The following SH3GL2 variants were observed in gnomAD, a reference collection of about 807,000 sequenced individuals.
SH3GL2 encodes endophilin-A1.
In SH3GL2, 24 loss-of-function variants were observed where a neutral mutation model predicts 46.0. The ratio of observed to expected loss-of-function variants is 0.52; its 90% CI spans 0.38 to 0.73. The LOEUF is 0.73. Among genes scored for constraint, SH3GL2 ranks in the 30% least tolerant of loss-of-function variants. SH3GL2 has a pLI of 0.00. For missense variants in SH3GL2, 413 were observed against 424.2 expected, an observed-to-expected ratio of 0.97 and a Z score of 0.23; for synonymous variants, 196 against 147.1, an observed-to-expected ratio of 1.33 and a Z score of -2.40.
At chr9:17,603,716 C>T (rs557467566) in intron 1 of SH3GL2, among the ~76,000 whole-genome samples, 11 of 152,032 alleles carry the variant, frequency 7.2e-5, no homozygotes, top group Non-Finnish European at 1.3e-4. Context: ...CAAAATTAGC[C>T]GAGTGTGGTG....
intron 1 of SH3GL2, among the ~76,000 whole-genome samples, chr9:17,672,682 T>TA (rs1233048473): frequency 6.6e-6 from 1 of 152,156 alleles, no homozygotes; most frequent in African/African-American, 2.4e-5. Flanking sequence ...ATTGATTTTA[T>TA]AAAAGATACA....
At chr9:17,698,401 C>T (rs993922542) in intron 1 of SH3GL2, among the ~76,000 whole-genome samples, 1 of 152,048 alleles carries the variant, frequency 6.6e-6, no homozygotes, top group Non-Finnish European at 1.5e-5. Flanking sequence ...AGATAGAGTG[C>T]CTGATGGATG....
intron 1 of SH3GL2, among the ~76,000 whole-genome samples, chr9:17,668,999 G>A (rs762383671): frequency 1.3e-5 from 2 of 152,094 alleles, no homozygotes; most frequent in Non-Finnish European, 2.9e-5. Context: ...GTGATTTCAG[G>A]TGCCACCTGT....
At chr9:17,719,574 G>C (rs1266024753) in intron 1 of SH3GL2, among the ~76,000 whole-genome samples, 4 of 151,994 alleles carry the variant, frequency 2.6e-5, no homozygotes, top group African/African-American at 9.7e-5. Context: ...TAGCTTGATT[G>C]AGCCCAGCAG....
At chr9:17,604,471 G>T (rs530173526) in intron 1 of SH3GL2, among the ~76,000 whole-genome samples, 3 of 152,334 alleles carry the variant, frequency 2.0e-5, no homozygotes, top group South Asian at 4.1e-4. Flanking sequence ...CTTTGTTATT[G>T]CTGTTGTTAC....
intron 2 of SH3GL2, among the ~76,000 whole-genome samples, chr9:17,760,646 A>G (rs1042260809): frequency 5.3e-5 from 8 of 152,164 alleles, no homozygotes; most frequent in African/African-American, 1.4e-4. Flanking sequence ...ATTTATACCT[A>G]TGTCATATAT....
intron 1 of SH3GL2, among the ~76,000 whole-genome samples, chr9:17,714,264 G>T (rs954757341): frequency 6.6e-6 from 1 of 151,494 alleles, no homozygotes; most frequent in African/African-American, 2.4e-5. Flanking sequence ...AGTGTTTGTA[G>T]GTTTGTAGTA....
At chr9:17,695,772 C>T (rs973122266) in intron 1 of SH3GL2, among the ~76,000 whole-genome samples, 19 of 148,780 alleles carry the variant, frequency 1.3e-4, no homozygotes, top group African/African-American at 2.6e-5. Context: ...AAAAATCTAT[C>T]CAGATTTTTT....
chr9:17,698,136 A>G (rs1404783227), intron 1 of SH3GL2, among the ~76,000 whole-genome samples: 1 of 152,206 alleles, frequency 6.6e-6, no homozygotes, highest in African/African-American at 2.4e-5. Flanking sequence ...TACATATGGT[A>G]GTAGAAGGAG....
At position 17,694,576 on chromosome 9, in the gene SH3GL2, C is replaced by T. The variant is rs7858667; in HGVS notation, c.46-52490C>T. Among the ~76,000 whole-genome samples the T allele has an allele frequency of 2.4e-3, 364 of 152,192 alleles. 3 individuals are homozygous for T. The highest frequency in any genetic ancestry group is 8.6e-3 in the African/African-American group (356 of 41,546). ...ATTTATAAAATGTCATTATTTTTCC[C>T]CTTCCACTGCAATACTAGAGCTGAA... On this transcript the variant is annotated intron_variant, in intron 1 of 8. Coordinates refer to ENST00000380607, the MANE Select transcript of SH3GL2 (RefSeq NM_003026.5).
intron 6 of SH3GL2, among the ~76,000 whole-genome samples, chr9:17,790,754 G>T (rs927595306): frequency 1.3e-5 from 2 of 152,170 alleles, no homozygotes; most frequent in African/African-American, 4.8e-5. Flanking sequence ...ATGAGGCTCA[G>T]AGAGCACAGA....
intron 1 of SH3GL2, among the ~76,000 whole-genome samples, chr9:17,672,117 T>G (rs1010371709): frequency 2.6e-5 from 4 of 152,194 alleles, no homozygotes; most frequent in African/African-American, 7.2e-5. Context: ...TACTCTGCAG[T>G]GTGAGGTAAA....
chr9:17,603,642 C>T (rs1043944167), intron 1 of SH3GL2, among the ~76,000 whole-genome samples: 12 of 152,234 alleles, frequency 7.9e-5, no homozygotes, highest in Admixed American at 2.6e-4. Context: ...CCATGGGTCA[C>T]CTGAGGTCAG....
intron 1 of SH3GL2, among the ~76,000 whole-genome samples, chr9:17,649,067 A>G (rs1040655203): frequency 8.5e-5 from 13 of 152,062 alleles, no homozygotes; most frequent in African/African-American, 3.1e-4. Context: ...TTTTCTCTTA[A>G]CTCAAGGATT....
At chr9:17,792,455 A>G (rs971542475) in intron 7 of SH3GL2, among the ~76,000 whole-genome samples, 1 of 152,154 alleles carries the variant, frequency 6.6e-6, no homozygotes, top group African/African-American at 2.4e-5. Context: ...CCTCCCTTGC[A>G]TATCTCTTAC....
In SH3GL2 at chr9:17,759,641, A is replaced by G. The variant is rs544767782; in HGVS notation, c.115-1796A>G. On this transcript the variant is annotated intron_variant, in intron 2 of 8. Transcript: ENST00000380607. ...TAGTCCTTAGAACAGTTTCTGACAAACAGAAGACAGCTTATGGTGATGATT... is the reference window on the plus strand; with the variant it reads ...TAGTCCTTAGAACAGTTTCTGACAAGCAGAAGACAGCTTATGGTGATGATT... Among the ~76,000 whole-genome samples the G allele has an allele frequency of 3.3e-5, 5 of 152,202 alleles. No individual in the cohort carries two copies. In the South Asian group the frequency reaches 6.2e-4, roughly 19 times the overall value.
intron 5 of SH3GL2, among the ~76,000 whole-genome samples, chr9:17,789,012 T>G (rs1824045103): frequency 6.6e-6 from 1 of 152,226 alleles, no homozygotes; most frequent in Admixed American, 6.5e-5. Context: ...ACCATTTCTC[T>G]TGAAGACAGG....
chr9:17,610,661 T>G (rs543842369), intron 1 of SH3GL2, among the ~76,000 whole-genome samples: 22 of 152,320 alleles, frequency 1.4e-4, no homozygotes, highest in Non-Finnish European at 2.6e-4. Context: ...TTTTCCTTTT[T>G]TTGACGAAGA....
chr9:17,666,612 A>G (rs893172166), intron 1 of SH3GL2, among the ~76,000 whole-genome samples: 1 of 150,866 alleles, frequency 6.6e-6, no homozygotes. Context: ...TCATCAGTTC[A>G]TAGGAAGCAT....
Sources: gnomAD v4.1 joint callset for allele counts (sites outside exome capture counted in the v4.1 genomes callset) on GRCh38, gnomAD v4.1.1 for gene constraint, MANE v1.5 for transcripts, NCBI Gene and HGNC (gene_info 2026-07-23, HGNC 2026-07-21) for gene names.